The following MYH15 variants were observed in gnomAD, a reference collection of about 807,000 sequenced individuals.
MYH15 encodes the protein myosin heavy chain 15.
MYH15 carries 227 observed loss-of-function variants against 240.5 expected under a neutral mutation model. The ratio of observed to expected loss-of-function variants is 0.94; its 90% CI spans 0.85 to 1.05. MYH15 has a LOEUF of 1.05. Ranked by LOEUF, MYH15 falls within the 50% of genes least tolerant of loss-of-function variation. MYH15 has a pLI of 0.00. For synonymous variants in MYH15, 785 were observed against 796.7 expected, an observed-to-expected ratio of 0.99 and a Z score of 0.25; for missense variants, 2,217 against 2,247.5, an observed-to-expected ratio of 0.99 and a Z score of 0.27.
At chr3:108,475,795 G>T (rs910453209) in intron 12 of MYH15, among the ~76,000 whole-genome samples, 6 of 152,130 alleles carry the variant, frequency 3.9e-5, no homozygotes, top group Non-Finnish European at 5.9e-5. Context: ...ATGCTTAGAT[G>T]GTCTCATTAC....
At chr3:108,548,863 T>C in the MYH15 span, among the ~76,000 whole-genome samples, 1 of 152,112 alleles carries the variant, frequency 6.6e-6, no homozygotes, top group Non-Finnish European at 1.5e-5. Flanking sequence ...CTTTTTATTC[T>C]TAAGTAACTA....
At chr3:108,473,071 G>A (rs34967567) in intron 12 of MYH15, among the ~76,000 whole-genome samples, 27,356 of 152,126 alleles carry the variant, frequency 0.18, 3,220 homozygotes, top group Non-Finnish European at 0.26. Context: ...ACAATGGCAC[G>A]ATCTCAGCTC....
In MYH15 at chr3:108,428,692, G is replaced by A. The variant is rs1425888536; in HGVS notation, c.3502C>T (p.Arg1168Ter). 3.0e-5 allele frequency: 49 copies of A among 1,613,600 alleles called. No homozygotes were observed. Among genetic ancestry groups the A allele is most frequent in the African/African-American group, 4.0e-5 (3 of 74,768 alleles). ...KQETKFQKLHRDMEEATLHFE... is the reference protein window; with the variant it reads ...KQETKFQKLH ...TGCAGAGTGGCCTCTTCCATGTCTC[G>A]GTGCAGCTTCTGGAATTTGGTTTCC... The change falls in exon 27 of 41, where the codon CGA becomes TGA. Residue 1168 changes from arginine to a stop codon, truncating the protein, a stop_gained. Transcript: ENST00000693548. LOFTEE classifies it high-confidence loss of function.
At chr3:108,480,886 C>T (rs528105009) in intron 11 of MYH15, among the ~76,000 whole-genome samples, 2 of 152,276 alleles carry the variant, frequency 1.3e-5, no homozygotes, top group African/African-American at 2.4e-5. Context: ...GGGTGCCCTT[C>T]CCCGTTCCTT....
chr3:108,417,074 T>TTTAA, intron 28 of MYH15, 144 bp from the exon 29 acceptor site: 1 of 639,700 alleles, frequency 1.6e-6, no homozygotes, highest in African/African-American at 1.9e-5. Context: ...AGTCCTATTA[T>TTTAA]TCAGCAAAAC....
chr3:108,538,418 GATAA>G, the MYH15 span, among the ~76,000 whole-genome samples: 3 of 152,168 alleles, frequency 2.0e-5, no homozygotes, highest in Non-Finnish European at 4.4e-5. Flanking sequence ...TAAAGCATTT[GATAA>G]ATATTTTAAA....
intron 22 of MYH15, among the ~76,000 whole-genome samples, chr3:108,443,318 G>A (rs948048010): frequency 6.6e-6 from 1 of 151,950 alleles, no homozygotes; most frequent in Admixed American, 6.6e-5. Flanking sequence ...ACAGCCTGTT[G>A]GCATGCTGGT....
chr3:108,504,547 C>A (rs893800741), intron 2 of MYH15, among the ~76,000 whole-genome samples: 1 of 152,072 alleles, frequency 6.6e-6, no homozygotes, highest in Non-Finnish European at 1.5e-5. Context: ...CAAACTTTCT[C>A]GATATCAATA....
At chr3:108,496,559 T>C (rs1243576390) in intron 6 of MYH15, among the ~76,000 whole-genome samples, 5 of 152,178 alleles carry the variant, frequency 3.3e-5, no homozygotes, top group Non-Finnish European at 7.4e-5. Flanking sequence ...CCTTCTTATA[T>C]CCCTACTACT....
chr3:108,456,637 C>A (rs2083022156), intron 19 of MYH15, 129 bp downstream of exon 19: 1 of 668,988 alleles, frequency 1.5e-6, no homozygotes, highest in East Asian at 2.6e-5. Flanking sequence ...ATCTTCCCAC[C>A]ACCAAAACAC....
chr3:108,496,876 G>C (rs1292550485), intron 6 of MYH15, among the ~76,000 whole-genome samples: 1 of 151,128 alleles, frequency 6.6e-6, no homozygotes, highest in Non-Finnish European at 1.5e-5. Flanking sequence ...AAAGAGTTCA[G>C]TGATGGCCAG....
chr3:108,486,497 C>G lies in MYH15; in HGVS notation c.901G>C (p.Asp301His). 6.2e-7 allele frequency: 1 copy of G among 1,612,096 alleles called. No homozygotes were observed. The change falls in exon 10 of 41, where the codon GAC becomes CAC. Residue 301 changes from aspartate to histidine, a missense_variant. Coordinates refer to ENST00000693548, the MANE Select transcript of MYH15 (RefSeq NM_014981.3). ...GCTCCACAGGAGCAAAAGTGGAAGT[C>G]TGAGGGATTTGCAGATACCAGGAGC... Reference protein sequence around the residue: ...DLLLVSANPSDFHFCSCGAVT... With the variant: ...DLLLVSANPSHFHFCSCGAVT...
At chr3:108,493,054 AG>A in intron 8 of MYH15, 59 bp downstream of exon 8, 12 of 874,950 alleles carry the variant, frequency 1.4e-5, no homozygotes, top group African/African-American at 3.9e-5. Context: ...AGGAAAGAGA[AG>A]GGAAGGGAAG....
chr3:108,520,793 T>G (rs2603126), intron 1 of MYH15, among the ~76,000 whole-genome samples: 151,929 of 152,152 alleles, frequency 1, 75,853 homozygotes, highest in Middle Eastern at 1. Context: ...TTTCCATATC[T>G]CCAAGAAAAT....
At chr3:108,468,963 T>C (rs932754447) in intron 14 of MYH15, among the ~76,000 whole-genome samples, 1 of 152,180 alleles carries the variant, frequency 6.6e-6, no homozygotes, top group African/African-American at 2.4e-5. Context: ...CACATCATAG[T>C]TGGTTCATCT....
chr3:108,507,708 T>C (rs1010197979), intron 1 of MYH15, among the ~76,000 whole-genome samples: 7 of 152,218 alleles, frequency 4.6e-5, no homozygotes, highest in African/African-American at 9.6e-5. Context: ...CTAAAACTGC[T>C]TGGCAAGAGG....
intron 5 of MYH15, among the ~76,000 whole-genome samples, chr3:108,499,165 G>C (rs2083417311): frequency 6.6e-6 from 1 of 152,158 alleles, no homozygotes; most frequent in Non-Finnish European, 1.5e-5. Flanking sequence ...ATTTGGAACA[G>C]TGTAGCTCTC....
chr3:108,535,344 G>A, the MYH15 span, among the ~76,000 whole-genome samples: 3 of 152,156 alleles, frequency 2.0e-5, no homozygotes, highest in African/African-American at 7.2e-5. Context: ...GGTGTCTGAT[G>A]AGGGCTTTCT....
Position 108,392,636 on chromosome 3 carries a change from A to G in MYH15, c.5260-706T>C, listed in dbSNP as rs887850855. Among the ~76,000 whole-genome samples, 13 of 152,322 alleles carry G rather than the reference A, an allele frequency of 8.5e-5. 1 individual carries two copies. The highest frequency in any genetic ancestry group is 2.2e-4 in the African/African-American group (9 of 41,584). The stretch of plus-strand genomic sequence containing the variant: ...GAATTTAAGTGTGAGACTTCTATGC[A>G]GATGGTGAGGGCAAAGAATGAATTA... On this transcript the variant is annotated intron_variant, in intron 36 of 40. Coordinates refer to ENST00000693548, the MANE Select transcript of MYH15 (RefSeq NM_014981.3).
Sources: allele counts gnomAD v4.1 joint callset (sites outside exome capture counted in the v4.1 genomes callset), GRCh38; gene constraint gnomAD v4.1.1; transcripts MANE v1.5; gene names NCBI Gene and HGNC (gene_info 2026-07-23, HGNC 2026-07-21).